Variants in SFTPB observed in about 807,000 individuals in gnomAD.
SFTPB encodes pulmonary surfactant-associated protein B.
In SFTPB, 32 loss-of-function variants were observed where a neutral mutation model predicts 51.0. That is an observed-to-expected ratio of 0.63 (90% CI 0.47 to 0.84). SFTPB has a LOEUF of 0.84. Among genes scored for constraint, SFTPB ranks in the 40% least tolerant of loss-of-function variants. SFTPB has a pLI of 0.00. For synonymous variants in SFTPB, 211 were observed against 208.5 expected, an observed-to-expected ratio of 1.01 and a Z score of -0.10; for missense variants, 431 against 491.2, an observed-to-expected ratio of 0.88 and a Z score of 1.16.
chr2:85,661,629 C>G (rs535050091), intron 9 of SFTPB, 94 bp from the exon 10 acceptor site: 2 of 1,044,932 alleles, frequency 1.9e-6, no homozygotes, highest in Non-Finnish European at 2.9e-6. Context: ...CTCCACCTCC[C>G]GCCTAGTGGG....
chr2:85,657,635 T>G lies in SFTPB; in HGVS notation c.*2067A>C, dbSNP rs1677115059. 6.6e-6 allele frequency: 1 copy of G among 152,174 alleles called. No individual in the cohort carries two copies. Among genetic ancestry groups the G allele is most frequent in the Non-Finnish European group, 1.5e-5 (1 of 68,044 alleles). 9.4% of individuals were successfully genotyped at this position (152,174 alleles called of 1,614,324 possible). On this transcript the variant is annotated 3_prime_UTR_variant, in exon 11 of 11. Transcript: ENST00000519937. The stretch of plus-strand genomic sequence containing the variant: ...AGCTCTCTCCTGGGCTAGGTGGGAT[T>G]GTGGGTGTCACATGCTTCCCTGTGA...
At chr2:85,666,472 T>TGTG (rs1677631891) in intron 4 of SFTPB, 145 bp downstream of exon 4, 1 of 777,110 alleles carries the variant, frequency 1.3e-6, no homozygotes, top group South Asian at 1.7e-5. Flanking sequence ...GCTGTGTGTT[T>TGTG]GTGTCTGGCC....
intron 8 of SFTPB, among the ~76,000 whole-genome samples, chr2:85,662,773 G>A: frequency 6.9e-6 from 1 of 145,642 alleles, no homozygotes; most frequent in Non-Finnish European, 1.5e-5. Context: ...CCCGGAGGCA[G>A]AGGTTGCAGT....
At chr2:85,666,863 G>T in intron 3 of SFTPB, 121 bp from the exon 4 acceptor site, 1 of 1,306,060 alleles carries the variant, frequency 7.7e-7, no homozygotes, top group Non-Finnish European at 1.1e-6. Flanking sequence ...TGGAGTTCAC[G>T]AGTGCCAAGG....
At chr2:85,667,586 A>G (rs1677716290) in intron 2 of SFTPB, 93 bp downstream of exon 2, 4 of 1,516,454 alleles carry the variant, frequency 2.6e-6, no homozygotes, top group African/African-American at 1.4e-5. Context: ...TCCATCCCCT[A>G]TGGGGGCTCC....
In SFTPB at chr2:85,658,200, A is replaced by G. The variant is rs575039299; in HGVS notation, c.*1502T>C. ...AGTTTCTGAATTTCTTACAAGAAACATGTATAAGAAATATGACAAAAGTTA... is the reference window on the plus strand; with the variant it reads ...AGTTTCTGAATTTCTTACAAGAAACGTGTATAAGAAATATGACAAAAGTTA... On this transcript the variant is annotated 3_prime_UTR_variant, in exon 11 of 11. Transcript: ENST00000519937. The G allele has an allele frequency of 6.6e-6, 1 of 152,434 alleles. No homozygotes were observed. The highest frequency in any genetic ancestry group is 1.9e-4 in the East Asian group (1 of 5,192). 9.4% of individuals were successfully genotyped at this position (152,434 alleles called of 1,614,324 possible).
chr2:85,663,622 A>G (rs781567081), intron 7 of SFTPB, 42 bp downstream of exon 7: 1 of 1,593,686 alleles, frequency 6.3e-7, no homozygotes, highest in Non-Finnish European at 8.5e-7. Context: ...TAGGGGGAGG[A>G]GGAGAGCAGG....
chr2:85,657,697 C>CT lies in SFTPB; in HGVS notation c.*2004dup, dbSNP rs1298518237. 6.6e-6 allele frequency: 1 copy of CT among 152,172 alleles called. No homozygotes were observed. 9.4% of individuals were successfully genotyped at this position (152,172 alleles called of 1,614,324 possible). The stretch of plus-strand genomic sequence containing the variant: ...AACAGGCTTTGTGTGAACAATAAAG[C>CT]TTTTTAATCACCTGGGTGCAGGTGG... On this transcript the variant is annotated 3_prime_UTR_variant, in exon 11 of 11. Transcript: ENST00000519937.
At position 85,665,644 on chromosome 2, in the gene SFTPB, G is replaced by A. The variant is rs138274558; in HGVS notation, c.544C>T (p.Pro182Ser). Reference sequence around the variant, plus strand: ...CCAGGCCTCGCCTGGAGGGCCCCGGGCAGCACAGGGAGGACGAGCTTGTCC... The same window carrying A: ...CCAGGCCTCGCCTGGAGGGCCCCGGACAGCACAGGGAGGACGAGCTTGTCC... ...LLDKLVLPVLPGALQARPGPH... is the reference protein window; with the variant it reads ...LLDKLVLPVLSGALQARPGPH... Residue 182 changes from proline (P) to serine (S), a missense_variant, in exon 5 of 11, where the codon CCC (proline) becomes TCC (serine). By Grantham distance (74) the Pro-to-Ser change is moderately conservative. Transcript: ENST00000519937. The A allele has an allele frequency of 1.9e-6, 3 of 1,613,992 alleles. No homozygotes were observed. The highest frequency in any genetic ancestry group is 2.2e-5 in the East Asian group (1 of 44,870).
chr2:85,663,599 T>C (rs534171003), intron 7 of SFTPB, 65 bp downstream of exon 7: 3 of 1,594,330 alleles, frequency 1.9e-6, no homozygotes, highest in African/African-American at 2.7e-5. Flanking sequence ...GAGAGGGTCA[T>C]GCAGTGGCAG....
chr2:85,660,166 A>G (rs1403359355), intron 10 of SFTPB, among the ~76,000 whole-genome samples: 1 of 142,584 alleles, frequency 7.0e-6, no homozygotes, highest in African/African-American at 2.6e-5. Context: ...TCTGTCACCC[A>G]GGCTGGAGTG....
At chr2:85,666,538 G>T in intron 4 of SFTPB, 79 bp downstream of exon 4, 1 of 1,462,964 alleles carries the variant, frequency 6.8e-7, no homozygotes, top group Non-Finnish European at 9.4e-7. Context: ...TGGCTGGGGT[G>T]CTGTGTGTGT....
chr2:85,666,215 CTG>C (rs34530476), intron 4 of SFTPB, among the ~76,000 whole-genome samples: 8,518 of 96,062 alleles, frequency 0.089, 389 homozygotes, highest in Middle Eastern at 0.12. Flanking sequence ...TGTGTGTGTG[CTG>C]TGTGTGTGTG....
At chr2:85,668,512 C>A (rs1677768172), upstream of SFTPB, among the ~76,000 whole-genome samples, 1 of 152,148 alleles carries the variant, frequency 6.6e-6, no homozygotes, top group Non-Finnish European at 1.5e-5. Flanking sequence ...GGGTGGAGGG[C>A]ATCTGGTTGG....
At chr2:85,667,920 G>T in intron 1 of SFTPB, 114 bp from the exon 2 acceptor site, 1 of 1,468,868 alleles carries the variant, frequency 6.8e-7, no homozygotes, top group Admixed American at 1.9e-5. Context: ...CATTAAACAT[G>T]TGGACGTCAG....
chr2:85,664,670 C>T (rs1305537292), intron 6 of SFTPB, among the ~76,000 whole-genome samples: 2 of 152,200 alleles, frequency 1.3e-5, no homozygotes, highest in East Asian at 1.9e-4. Flanking sequence ...CCATGTTGCC[C>T]AAGCTGGTCT....
intron 6 of SFTPB, among the ~76,000 whole-genome samples, chr2:85,664,066 C>T (rs35632440): frequency 2.2e-4 from 34 of 152,302 alleles, no homozygotes; most frequent in Non-Finnish European, 1.3e-4. Context: ...TTCAGACCTA[C>T]GTCTGGCCCC....
chr2:85,667,068 T>C, intron 3 of SFTPB, 38 bp downstream of exon 3: 1 of 1,544,126 alleles, frequency 6.5e-7, no homozygotes, highest in Non-Finnish European at 9.0e-7. Flanking sequence ...CCTCATCTCT[T>C]GGGCCCCAAC....
intron 4 of SFTPB, 119 bp downstream of exon 4, chr2:85,666,498 T>G: frequency 1.1e-6 from 1 of 872,236 alleles, no homozygotes; most frequent in Non-Finnish European, 1.7e-6. Flanking sequence ...GGGTGCTGTG[T>G]GTGTGTGTGT....
Sources: gnomAD v4.1 joint callset for allele counts (sites outside exome capture counted in the v4.1 genomes callset) on GRCh38, gnomAD v4.1.1 for gene constraint, MANE v1.5 for transcripts, NCBI Gene and HGNC (gene_info 2026-07-23, HGNC 2026-07-21) for gene names.